The following ACSL6 variants were observed in gnomAD, a reference collection of about 807,000 sequenced individuals.
ACSL6 encodes acyl-CoA synthetase long chain family member 6.
A neutral mutation model predicts 98.2 loss-of-function variants in ACSL6; 47 were observed. The observed-to-expected ratio is 0.48, with a 90% confidence interval of 0.38 to 0.61. ACSL6 has a LOEUF of 0.61. Ranked by LOEUF, ACSL6 falls within the 20% of genes least tolerant of loss-of-function variation. The pLI, the probability that ACSL6 is intolerant of heterozygous loss-of-function variation, is 0.00. For missense variants in ACSL6, 761 were observed against 913.4 expected, an observed-to-expected ratio of 0.83 and a Z score of 2.15; for synonymous variants, 362 against 336.9, an observed-to-expected ratio of 1.07 and a Z score of -0.82.
At chr5:132,011,765 C>G, upstream of ACSL6, 2 of 1,330,724 alleles carry the variant, frequency 1.5e-6, no homozygotes, top group Non-Finnish European at 9.6e-7. The surrounding 1 kb of genome is among the most constrained non-coding windows in gnomAD (Gnocchi z 5.4). Context: ...GCAACCGAGC[C>G]TTACTCCCTG....
upstream of ACSL6, chr5:132,012,019 T>C: frequency 1.5e-6 from 2 of 1,375,574 alleles, no homozygotes; most frequent in African/African-American, 1.5e-5. Context: ...CACGCGACCC[T>C]GCCCCCGCGC....
intron 12 of ACSL6, among the ~76,000 whole-genome samples, chr5:131,973,065 A>G (rs1753402808): frequency 6.6e-6 from 1 of 152,190 alleles, no homozygotes; most frequent in African/African-American, 2.4e-5. Flanking sequence ...CTGAAAAAAA[A>G]TCTCTCCCGC....
rs143514488 is a variant in ACSL6 at position 131,978,030 on chromosome 5, T to C, written c.917-1309A>G. Among the ~76,000 whole-genome samples the C allele has an allele frequency of 8.4e-3, 1,283 of 152,308 alleles. 2 individuals carry two copies. Among genetic ancestry groups the C allele is most frequent in the Non-Finnish European group, 0.012 (833 of 68,036 alleles). The stretch of plus-strand genomic sequence containing the variant: ...TAATGGGATCACTTGAAGTGCCTGA[T>C]TGTGCTCCCTGCAGCTGGGAGACCC... On this transcript the variant is annotated intron_variant, in intron 9 of 20. Transcript: ENST00000651883.
At position 131,994,265 on chromosome 5, in the gene ACSL6, G is replaced by A; in HGVS notation, c.50-14C>T. On this transcript the variant is annotated splice_polypyrimidine_tract_variant and intron_variant, in intron 1 of 20. Transcript: ENST00000651883. ...AGAGGACAAACTCTGTTGAAAACAA[G>A]AGTCAGATAAGGCAAGAGACCTGAC... 6.3e-7 allele frequency: 1 copy of A among 1,596,160 alleles called. No individual in the cohort carries two copies. The highest frequency in any genetic ancestry group is 8.5e-7 in the Non-Finnish European group (1 of 1,170,822).
rs140588463 is a variant in ACSL6, at chr5:131,990,057, T to C, written c.450+43A>G. On this transcript the variant is annotated intron_variant, in intron 4 of 20. Coordinates refer to ENST00000651883, the MANE Select transcript of ACSL6 (RefSeq NM_001009185.3). ...CTCCCTACCTGCCCTGAGTGCCAGA[T>C]CTGAATGGGTGGCCAGGGTGGGGCC... 2.4e-3 allele frequency: 3,786 copies of C among 1,605,002 alleles called. 53 individuals are homozygous for C. In the African/African-American group the frequency reaches 0.034, roughly 14 times the overall value.
intron 8 of ACSL6, among the ~76,000 whole-genome samples, chr5:131,986,225 A>G (rs969299884): frequency 3.9e-5 from 6 of 152,216 alleles, no homozygotes; most frequent in African/African-American, 1.4e-4. Context: ...CTACCCATGC[A>G]GTGCCCTGGG....
chr5:131,988,431 C>T (rs914816567), intron 6 of ACSL6: 1 of 1,363,422 alleles, frequency 7.3e-7, no homozygotes, highest in Non-Finnish European at 1.0e-6. Context: ...GGCCATGGAA[C>T]CTCCTCAAGC....
intron 17 of ACSL6, among the ~76,000 whole-genome samples, chr5:131,964,485 C>T (rs1752905224): frequency 6.6e-6 from 1 of 152,258 alleles, no homozygotes. Flanking sequence ...TCAAGCACAA[C>T]ACTAAGTGCT....
intron 18 of ACSL6, among the ~76,000 whole-genome samples, chr5:131,961,590 G>A (rs997425727): frequency 1.3e-5 from 2 of 151,802 alleles, no homozygotes; most frequent in Admixed American, 6.6e-5. Context: ...CCAGCTACTC[G>A]GGAGTCTGAG....
chr5:131,996,553 C>T (rs747577051), intron 1 of ACSL6, among the ~76,000 whole-genome samples: 97 of 152,294 alleles, frequency 6.4e-4, no homozygotes, highest in Middle Eastern at 3.4e-3. Flanking sequence ...ATGCCTAGCA[C>T]GAGGGCTCAG....
Position 131,973,337 on chromosome 5 carries a change from C to A in ACSL6, c.1132G>T (p.Asp378Tyr). The change falls in exon 12 of 21, where the codon GAT becomes TAT. Residue 378 changes from aspartate to tyrosine, a missense_variant. By Grantham distance (160) the Asp-to-Tyr change is radical. Coordinates refer to ENST00000651883, the MANE Select transcript of ACSL6 (RefSeq NM_001009185.3). The stretch of plus-strand genomic sequence containing the variant: ...GTGGGGCATAGAGCCTTCATGTCAT[C>A]TGAGAGAAGGCGGATATCTCCCTGG... ...FFQGDIRLLS[D>Y]DMKALCPTIF... 1.9e-6 allele frequency: 3 copies of A among 1,614,186 alleles called. No homozygotes were observed. The highest frequency in any genetic ancestry group is 2.5e-6 in the Non-Finnish European group (3 of 1,180,016).
At chr5:132,008,941 T>C (rs887976007) in intron 1 of ACSL6, among the ~76,000 whole-genome samples, 3 of 152,238 alleles carry the variant, frequency 2.0e-5, no homozygotes, top group African/African-American at 7.2e-5. Context: ...AGGCAGAAGC[T>C]CTGATCCTCT....
intron 1 of ACSL6, among the ~76,000 whole-genome samples, chr5:132,005,533 G>T (rs1755357008): frequency 6.6e-6 from 1 of 152,206 alleles, no homozygotes; most frequent in South Asian, 2.1e-4. Context: ...AACTGTCCTT[G>T]CTGTGTAGCC....
chr5:131,951,252 T>G lies in ACSL6; in HGVS notation c.*2982A>C. On this transcript the variant is annotated 3_prime_UTR_variant, in exon 21 of 21. Transcript: ENST00000651883. Reference sequence around the variant, plus strand: ...ATAGATCCAATGCCCAATATGAATGTGACCATCGTAAGTACATCACCTTTT... The same window carrying G: ...ATAGATCCAATGCCCAATATGAATGGGACCATCGTAAGTACATCACCTTTT... 1 of 211,830 alleles carries G rather than the reference T, an allele frequency of 4.7e-6. No homozygotes were observed. The allele number at this position is 211,830 out of a possible 1,614,324, so 13.1% of individuals were successfully genotyped here.
chr5:131,970,036 G>A (rs1753219390), intron 15 of ACSL6, 92 bp downstream of exon 15: 5 of 1,098,714 alleles, frequency 4.6e-6, no homozygotes, highest in Non-Finnish European at 7.0e-6. Context: ...AAGTACCCAT[G>A]CAAATTTACT....
rs1364336504 is a variant in ACSL6, at chr5:131,990,979, G to T, written c.271-12C>A. On this transcript the variant is annotated splice_polypyrimidine_tract_variant and intron_variant, in intron 2 of 20. Coordinates refer to ENST00000651883, the MANE Select transcript of ACSL6 (RefSeq NM_001009185.3). ...GCCCCGCCACTGTCCTACAAGCCAA[G>T]CACCGGCCAGAGAAGTTGGCTGAGG... The T allele has an allele frequency of 1.1e-5, 17 of 1,613,366 alleles. No homozygotes were observed. The highest frequency in any genetic ancestry group is 1.2e-5 in the Non-Finnish European group (14 of 1,179,508).
rs376683966 is a variant in ACSL6 at position 131,988,234 on chromosome 5, G to A, written c.653-8C>T. 6.2e-7 allele frequency: 1 copy of A among 1,613,610 alleles called. No individual in the cohort carries two copies. Among genetic ancestry groups the A allele is most frequent in the African/African-American group, 1.3e-5 (1 of 75,032 alleles). Reference sequence around the variant, plus strand: ...TCACGGTGCTGATGTCCGCTGCAGGGGGCCATCAAGGAGAGTCAGGCCATG... The same window carrying A: ...TCACGGTGCTGATGTCCGCTGCAGGAGGCCATCAAGGAGAGTCAGGCCATG... On this transcript the variant is annotated splice_region_variant and splice_polypyrimidine_tract_variant and intron_variant, in intron 6 of 20. Transcript: ENST00000651883.
intron 16 of ACSL6, 110 bp from the exon 17 acceptor site, chr5:131,966,642 C>G: frequency 3.3e-6 from 3 of 911,566 alleles, no homozygotes; most frequent in Non-Finnish European, 5.4e-6. Context: ...AGGAAAGCCA[C>G]TGTGGATATG....
Position 131,973,417 on chromosome 5 carries a change from G to A in ACSL6, c.1069-17C>T. 6 of 1,613,218 alleles carry A rather than the reference G, an allele frequency of 3.7e-6. No individual in the cohort carries two copies. The highest frequency in any genetic ancestry group is 5.1e-6 in the Non-Finnish European group (6 of 1,179,498). On this transcript the variant is annotated splice_polypyrimidine_tract_variant and intron_variant, in intron 11 of 20. Coordinates refer to ENST00000651883, the MANE Select transcript of ACSL6 (RefSeq NM_001009185.3). ...GACGACAGACTAGAAAGACAGGACA[G>A]GAAGGGAGGAGTCCCTTAGGGTGGT...
Sources: allele counts gnomAD v4.1 joint callset (sites outside exome capture counted in the v4.1 genomes callset), GRCh38; gene constraint gnomAD v4.1.1; non-coding constraint Gnocchi (gnomAD v3.1); transcripts MANE v1.5; gene names NCBI Gene and HGNC (gene_info 2026-07-23, HGNC 2026-07-21).